PIP4K2A: variants seen among roughly 807,000 people sequenced by gnomAD.
PIP4K2A encodes phosphatidylinositol 5-phosphate 4-kinase type-2 alpha.
Under a neutral mutation model 42.9 loss-of-function variants are expected in PIP4K2A, and 14 were observed. That is an observed-to-expected ratio of 0.33 (90% confidence interval 0.22 to 0.51). The LOEUF is 0.51. PIP4K2A is among the 20% of genes least tolerant of loss of function. The pLI, the probability that PIP4K2A is intolerant of heterozygous loss-of-function variation, is 0.97. For synonymous variants in PIP4K2A, 192 were observed against 192.2 expected, an observed-to-expected ratio of 1.00 and a Z score of 0.01; for missense variants, 434 against 519.8, an observed-to-expected ratio of 0.83 and a Z score of 1.61.
At chr10:22,643,809 C>T (rs1838828018) in intron 1 of PIP4K2A, among the ~76,000 whole-genome samples, 1 of 151,994 alleles carries the variant, frequency 6.6e-6, no homozygotes, top group African/African-American at 2.4e-5. Context: ...CAATCCCACA[C>T]CCCCATTCCC....
At chr10:22,674,688 T>C (rs1293554560) in intron 1 of PIP4K2A, among the ~76,000 whole-genome samples, 1 of 152,022 alleles carries the variant, frequency 6.6e-6, no homozygotes, top group Non-Finnish European at 1.5e-5. Flanking sequence ...ATGCCTGTAA[T>C]CCCAGCACTT....
intron 1 of PIP4K2A, among the ~76,000 whole-genome samples, chr10:22,660,278 C>T (rs1360238623): frequency 6.6e-6 from 1 of 152,116 alleles, no homozygotes; most frequent in Non-Finnish European, 1.5e-5. Flanking sequence ...CGAGACCAGC[C>T]TGGGCAACAT....
At chr10:22,676,190 G>C (rs745447970) in intron 1 of PIP4K2A, among the ~76,000 whole-genome samples, 3 of 152,058 alleles carry the variant, frequency 2.0e-5, no homozygotes, top group Non-Finnish European at 4.4e-5. Flanking sequence ...CAGTAACAGT[G>C]CTTTCATTTC....
intron 1 of PIP4K2A, among the ~76,000 whole-genome samples, chr10:22,689,535 G>C (rs1839821111): frequency 6.6e-6 from 1 of 152,148 alleles, no homozygotes; most frequent in Admixed American, 6.5e-5. Flanking sequence ...ATAATCTAGA[G>C]ACAGAATTTA....
chr10:22,561,565 GT>G (rs71394001), intron 6 of PIP4K2A, among the ~76,000 whole-genome samples: 90,119 of 113,436 alleles, frequency 0.79, 40,022 homozygotes, highest in South Asian at 0.95. Context: ...TCTCTACGCA[GT>G]TTTTTTTTTT....
chr10:22,550,612 G>T, intron 7 of PIP4K2A, 47 bp downstream of exon 7: 2 of 1,024,230 alleles, frequency 2.0e-6, no homozygotes, highest in Non-Finnish European at 3.1e-6. Flanking sequence ...ACCCAACAGG[G>T]CTGATATTTA....
rs943192 is a variant in PIP4K2A, at chr10:22,541,790, G to C, written c.1036+14C>G. 1,447,949 of 1,537,060 alleles carry C rather than the reference G, an allele frequency of 0.94. 682,665 individuals carry two copies. The highest frequency in any genetic ancestry group is 1 in the East Asian group (43,992 of 44,000). ...ACTTCACATGCAAAAAGGGTCCACA[G>C]TAATCAAACTTACTTTCATGGCACT... On this transcript the variant is annotated intron_variant, in intron 8 of 9. Transcript: ENST00000376573.
intron 1 of PIP4K2A, among the ~76,000 whole-genome samples, chr10:22,669,776 C>T (rs772100667): frequency 2.6e-4 from 40 of 152,140 alleles, no homozygotes; most frequent in Non-Finnish European, 4.4e-4. Context: ...TTTTACCAAC[C>T]GTTTTTTGCT....
At chr10:22,568,607 T>C (rs1007221206) in intron 5 of PIP4K2A, among the ~76,000 whole-genome samples, 1 of 152,204 alleles carries the variant, frequency 6.6e-6, no homozygotes, top group East Asian at 1.9e-4. Context: ...GTGCTCTTAC[T>C]GCAGTGGTGT....
At chr10:22,680,825 ATTG>A (rs1839645515) in intron 1 of PIP4K2A, among the ~76,000 whole-genome samples, 2 of 152,164 alleles carry the variant, frequency 1.3e-5, no homozygotes, top group Admixed American at 1.3e-4. Context: ...GGATTTTTAT[ATTG>A]ATTAGTGTGA....
intron 4 of PIP4K2A, among the ~76,000 whole-genome samples, chr10:22,579,311 A>G (rs1319255214): frequency 1.3e-5 from 2 of 152,192 alleles, no homozygotes; most frequent in Admixed American, 6.5e-5. Context: ...AAAGGGGTGG[A>G]GCAGAATCGT....
At chr10:22,592,427 T>C (rs1013037889) in intron 3 of PIP4K2A, among the ~76,000 whole-genome samples, 6 of 152,216 alleles carry the variant, frequency 3.9e-5, no homozygotes, top group African/African-American at 1.2e-4. Flanking sequence ...GCTACCTGTG[T>C]GCCCCAGGAG....
At chr10:22,579,712 C>T (rs1031924676) in intron 4 of PIP4K2A, among the ~76,000 whole-genome samples, 4 of 152,008 alleles carry the variant, frequency 2.6e-5, no homozygotes, top group South Asian at 4.1e-4. Flanking sequence ...AGATTGAGAC[C>T]GGCCTGGCCA....
chr10:22,628,481 T>C (rs1421074605), intron 1 of PIP4K2A, among the ~76,000 whole-genome samples: 3 of 152,220 alleles, frequency 2.0e-5, no homozygotes, highest in Admixed American at 6.5e-5. Context: ...AACTCTGTAA[T>C]GTGAAGAGGT....
Position 22,596,039 on chromosome 10 carries a change from C to T in PIP4K2A, c.340-4258G>A, listed in dbSNP as rs184508146. On this transcript the variant is annotated intron_variant, in intron 3 of 9. Coordinates refer to ENST00000376573, the MANE Select transcript of PIP4K2A (RefSeq NM_005028.5). ...TGACCAACATGGAGAAGCCCCGTCT[C>T]TACTAAAAATACAAAATTATGCAGG... Among the ~76,000 whole-genome samples, 563 of 151,626 alleles carry T rather than the reference C, an allele frequency of 3.7e-3. 1 individual carries two copies. Among genetic ancestry groups the T allele is most frequent in the South Asian group, 6.7e-3 (32 of 4,780 alleles).
intron 1 of PIP4K2A, among the ~76,000 whole-genome samples, chr10:22,666,493 C>T (rs1049966595): frequency 2.6e-5 from 4 of 152,150 alleles, no homozygotes; most frequent in African/African-American, 7.2e-5. Context: ...GAAAAATTAT[C>T]GATCCCAAAA....
intron 3 of PIP4K2A, among the ~76,000 whole-genome samples, chr10:22,597,719 G>C (rs918306165): frequency 6.8e-6 from 1 of 146,384 alleles, no homozygotes; most frequent in Non-Finnish European, 1.5e-5. Context: ...GCTCTGCATG[G>C]AAAAAAAAAA....
chr10:22,577,172 TTTG>T, intron 4 of PIP4K2A, among the ~76,000 whole-genome samples: 1 of 152,168 alleles, frequency 6.6e-6, no homozygotes, highest in Admixed American at 6.5e-5. Context: ...CGGTGCTGAC[TTTG>T]CATCAGGGAG....
chr10:22,584,729 A>G (rs1837353876), intron 4 of PIP4K2A, among the ~76,000 whole-genome samples: 1 of 152,208 alleles, frequency 6.6e-6, no homozygotes, highest in Non-Finnish European at 1.5e-5. Context: ...TGTTTCTAAG[A>G]GAGAAGCAAG....
Sources: allele counts gnomAD v4.1 joint callset (sites outside exome capture counted in the v4.1 genomes callset), GRCh38; gene constraint gnomAD v4.1.1; transcripts MANE v1.5; gene names NCBI Gene and HGNC (gene_info 2026-07-23, HGNC 2026-07-21).